Variants in MAGI2 observed in about 807,000 individuals in gnomAD.
MAGI2 encodes membrane-associated guanylate kinase, WW and PDZ domain-containing protein 2.
MAGI2 carries 35 observed loss-of-function variants against 133.3 expected under a neutral mutation model. That is an observed-to-expected ratio of 0.26 (90% CI 0.20 to 0.35). The LOEUF (loss-of-function observed/expected upper bound fraction) is 0.35. MAGI2 is among the 10% of genes least tolerant of loss of function. The probability of loss-of-function intolerance (pLI) is 1.00; values close to 1 mark genes in which losing one functional copy is unlikely to be tolerated. For missense variants in MAGI2, 1,636 were observed against 1,863.4 expected (o/e 0.88, Z 2.25); for synonymous variants, 729 against 710.6 (o/e 1.03, Z -0.41).
intron 1 of MAGI2, among the ~76,000 whole-genome samples, chr7:79,039,867 A>AC (rs1229019354): frequency 6.9e-6 from 1 of 145,332 alleles, no homozygotes; most frequent in African/African-American, 2.5e-5. Context: ...ATATATATAT[A>AC]ATATATATGT....
intron 4 of MAGI2, among the ~76,000 whole-genome samples, chr7:78,508,246 G>A (rs1795259295): frequency 6.6e-6 from 1 of 151,674 alleles, no homozygotes; most frequent in African/African-American, 2.4e-5. Context: ...GAGATACTGG[G>A]GGTTTGGACT....
chr7:78,285,251 C>T (rs1458712075), intron 9 of MAGI2, among the ~76,000 whole-genome samples: 1 of 152,104 alleles, frequency 6.6e-6, no homozygotes, highest in Non-Finnish European at 1.5e-5. Context: ...CAAAAAAAAT[C>T]TTAATCCATT....
At chr7:78,064,993 G>C (rs1428925656) in intron 21 of MAGI2, among the ~76,000 whole-genome samples, 2 of 151,994 alleles carry the variant, frequency 1.3e-5, no homozygotes, top group Non-Finnish European at 2.9e-5. Flanking sequence ...AAAAAAAATA[G>C]TCACAATTGG....
At chr7:79,261,311 G>A (rs1014701533) in intron 1 of MAGI2, among the ~76,000 whole-genome samples, 2 of 152,098 alleles carry the variant, frequency 1.3e-5, no homozygotes, top group African/African-American at 4.8e-5. Flanking sequence ...GTTTCCCCTG[G>A]GCTACAACCT....
intron 2 of MAGI2, chr7:78,939,703 C>T (rs968547832): frequency 6.6e-6 from 1 of 152,074 alleles, no homozygotes; most frequent in Non-Finnish European, 1.5e-5. Flanking sequence ...GGGGATCTCT[C>T]AATGGGATAT....
At chr7:79,142,562 G>A (rs186046269) in intron 1 of MAGI2, among the ~76,000 whole-genome samples, 17 of 152,282 alleles carry the variant, frequency 1.1e-4, no homozygotes, top group Non-Finnish European at 2.2e-4. Flanking sequence ...TGCTGTGAGT[G>A]TGCATGTGTG....
chr7:78,693,980 A>C (rs1025796217), intron 2 of MAGI2, among the ~76,000 whole-genome samples: 3 of 152,130 alleles, frequency 2.0e-5, no homozygotes, highest in African/African-American at 4.8e-5. Context: ...ATGTTTATTG[A>C]AAGGAAAGGA....
At chr7:78,098,706 A>C (rs1241474881) in intron 20 of MAGI2, among the ~76,000 whole-genome samples, 1 of 152,170 alleles carries the variant, frequency 6.6e-6, no homozygotes, top group Non-Finnish European at 1.5e-5. Context: ...GCATCAATTT[A>C]CACCAATTTC....
chr7:78,860,110 C>G (rs894532576), intron 2 of MAGI2, among the ~76,000 whole-genome samples: 1 of 152,194 alleles, frequency 6.6e-6, no homozygotes, highest in African/African-American at 2.4e-5. Context: ...AAGGTCTTCT[C>G]TACGCTGTTT....
At chr7:78,141,645 G>A (rs906955054) in intron 16 of MAGI2, among the ~76,000 whole-genome samples, 3 of 152,174 alleles carry the variant, frequency 2.0e-5, no homozygotes, top group African/African-American at 7.2e-5. Context: ...CAACTGATAT[G>A]CAAAACCCAA....
intron 1 of MAGI2, among the ~76,000 whole-genome samples, chr7:79,067,080 T>C (rs929956174): frequency 2.6e-5 from 4 of 152,190 alleles, no homozygotes; most frequent in Admixed American, 1.3e-4. Flanking sequence ...AGGATTGTCT[T>C]GGATATGAGG....
intron 20 of MAGI2, among the ~76,000 whole-genome samples, chr7:78,109,371 G>A (rs900987857): frequency 3.0e-5 from 4 of 133,438 alleles, no homozygotes; most frequent in East Asian, 2.2e-4. Context: ...TGTGGCTCAC[G>A]CCTGTAATCC....
intron 2 of MAGI2, among the ~76,000 whole-genome samples, chr7:78,758,867 G>A (rs540612124): frequency 6.6e-6 from 1 of 152,178 alleles, no homozygotes; most frequent in Non-Finnish European, 1.5e-5. Flanking sequence ...CCCAGGTAGA[G>A]TGATTTATTC....
At chr7:78,027,627 C>CAAAA (rs753787460) in intron 21 of MAGI2, among the ~76,000 whole-genome samples, 1 of 84,394 alleles carries the variant, frequency 1.2e-5, no homozygotes, top group Non-Finnish European at 2.8e-5. Context: ...GACTCCATCT[C>CAAAA]AAAAAAAAAA....
intron 7 of MAGI2, among the ~76,000 whole-genome samples, chr7:78,364,977 G>C (rs6466171): frequency 0.83 from 126,233 of 152,214 alleles, 52,523 homozygotes; most frequent in African/African-American, 0.88. Context: ...TACATAGAGT[G>C]AGAACTTGGT....
chr7:78,890,437 C>G (rs1391437659), intron 2 of MAGI2, among the ~76,000 whole-genome samples: 1 of 152,168 alleles, frequency 6.6e-6, no homozygotes, highest in Non-Finnish European at 1.5e-5. Context: ...CTTTTCAGAA[C>G]CACACCACAC....
intron 1 of MAGI2, among the ~76,000 whole-genome samples, chr7:79,106,502 A>G (rs1329423446): frequency 1.3e-5 from 2 of 152,218 alleles, no homozygotes; most frequent in Admixed American, 1.3e-4. Context: ...AGGAAGAAAA[A>G]TATGATAAAA....
At position 78,019,959 on chromosome 7, in the gene MAGI2, T is replaced by C. The variant is rs1808183013; in HGVS notation, c.3724A>G (p.Ser1242Gly). 2 of 1,606,658 alleles carry C rather than the reference T, an allele frequency of 1.2e-6. No individual in the cohort carries two copies. The highest frequency in any genetic ancestry group is 1.7e-6 in the Non-Finnish European group (2 of 1,177,452). ...VPEYDEPAPW[S>G]SPAAAAPGLP... ...CCTGGGGCGGCGGCAGCGGGAGAAC[T>C]CCAGGGGGCGGGTTCGTCTGTGGAC... The change falls in exon 22 of 22, where the codon AGT becomes GGT. Residue 1242 changes from serine to glycine, a missense_variant. This residue lies in a region of MAGI2 where 354 missense variants were observed against 298.7 expected (regional missense o/e 1.19). Transcript: ENST00000354212.
chr7:79,434,016 C>T (rs1396921695), intron 1 of MAGI2, among the ~76,000 whole-genome samples: 1 of 151,898 alleles, frequency 6.6e-6, no homozygotes. Flanking sequence ...CGATGAACTG[C>T]TTAATCTATC....
Sources: gnomAD v4.1 joint callset for allele counts (sites outside exome capture counted in the v4.1 genomes callset) on GRCh38, gnomAD v4.1.1 for gene constraint, gnomAD v4.1.1 regional missense constraint, MANE v1.5 for transcripts, NCBI Gene and HGNC (gene_info 2026-07-23, HGNC 2026-07-21) for gene names.